CREBBP: variants seen among roughly 807,000 people sequenced by gnomAD.
CREBBP encodes the protein CREB binding lysine acetyltransferase.
In CREBBP, 19 loss-of-function variants were observed where a neutral mutation model predicts 265.0. The observed-to-expected ratio is 0.07, with a 90% CI of 0.05 to 0.11. The LOEUF (loss-of-function observed/expected upper bound fraction) is 0.11. Among genes scored for constraint, CREBBP ranks in the 10% least tolerant of loss-of-function variants. The probability of loss-of-function intolerance (pLI) is 1.00; values close to 1 mark genes in which losing one functional copy is unlikely to be tolerated. For missense variants in CREBBP, 2,525 were observed against 3,219.0 expected, an observed-to-expected ratio of 0.78 and a Z score of 5.22; for synonymous variants, 1,457 against 1,223.7, an observed-to-expected ratio of 1.19 and a Z score of -3.98.
intron 21 of CREBBP, among the ~76,000 whole-genome samples, chr16:3,748,216 T>C (rs2052390815): frequency 6.6e-6 from 1 of 151,672 alleles, no homozygotes; most frequent in African/African-American, 2.4e-5. Flanking sequence ...AGGCGGAGGC[T>C]GCAGTGAGCC....
chr16:3,769,332 T>A lies in CREBBP; in HGVS notation c.2902A>T (p.Ile968Phe), dbSNP rs2141192648. The A allele has an allele frequency of 6.2e-7, 1 of 1,614,232 alleles. No homozygotes were observed. The highest frequency in any genetic ancestry group is 8.5e-7 in the Non-Finnish European group (1 of 1,180,040). ...GAGGGGGTAGGGACTCTGTTATCAA[T>A]GCTGGCTGCTGCCTGGGAAAGCTGT... ...GTPLSQAAAS[I>F]DNRVPTPSSV... The change falls in exon 15 of 31, where the codon ATT becomes TTT. Residue 968 changes from isoleucine (I) to phenylalanine (F), a missense_variant. Physicochemically the swap from Ile to Phe is conservative, Grantham distance 21 (BLOSUM62 0). Coordinates refer to ENST00000262367, the MANE Select transcript of CREBBP (RefSeq NM_004380.3).
intron 28 of CREBBP, among the ~76,000 whole-genome samples, chr16:3,733,981 C>T (rs761861013): frequency 6.6e-6 from 1 of 152,192 alleles, no homozygotes; most frequent in Non-Finnish European, 1.5e-5. Context: ...TAAATATGTT[C>T]ATGAAATTAA....
intron 23 of CREBBP, 37 bp downstream of exon 23, chr16:3,744,857 G>A (rs2052302351): frequency 1.3e-6 from 2 of 1,483,236 alleles, no homozygotes; most frequent in African/African-American, 1.4e-5. Flanking sequence ...TTTCTAAAAT[G>A]TGCAGTCCAG....
chr16:3,814,178 TG>T (rs2053990552), intron 2 of CREBBP, among the ~76,000 whole-genome samples: 1 of 149,468 alleles, frequency 6.7e-6, no homozygotes, highest in African/African-American at 2.5e-5. Flanking sequence ...TGTGTGTGTG[TG>T]TGTGTGTGTG....
intron 1 of CREBBP, among the ~76,000 whole-genome samples, chr16:3,852,022 C>T (rs1353295245): frequency 1.2e-4 from 10 of 81,760 alleles, no homozygotes; most frequent in Admixed American, 6.2e-4. Context: ...TGGGCAACAG[C>T]GAGACTCCAT....
Position 3,729,117 on chromosome 16 carries a change from A to T in CREBBP, c.5930T>A (p.Ile1977Asn), listed in dbSNP as rs754429038. The change falls in exon 31 of 31, where the codon ATC becomes AAC. Residue 1977 changes from isoleucine to asparagine, a missense_variant. Coordinates refer to ENST00000262367, the MANE Select transcript of CREBBP (RefSeq NM_004380.3). ...QQQQHLYRVNINNSMPPGRTG... is the reference protein window; with the variant it reads ...QQQQHLYRVNNNNSMPPGRTG... Reference sequence around the variant, plus strand: ...GCGTCCTGGGGGCATGCTGTTGTTGATGTTCACCCGGTACAGGTGCTGCTG... The same window carrying T: ...GCGTCCTGGGGGCATGCTGTTGTTGTTGTTCACCCGGTACAGGTGCTGCTG... The T allele has an allele frequency of 5.3e-5, 83 of 1,557,454 alleles. 1 individual carries two copies. The highest frequency in any genetic ancestry group is 4.1e-5 in the Non-Finnish European group (47 of 1,156,524).
In CREBBP at chr16:3,753,796, C is replaced by T. The variant is rs541501914; in HGVS notation, c.3699-1990G>A. Among the ~76,000 whole-genome samples, 5 of 152,260 alleles carry T rather than the reference C, an allele frequency of 3.3e-5. No homozygotes were observed. The South Asian group carries it at 1.0e-3, about 32-fold the overall frequency. ...TATAAGTAAAACTCCTAATTGAGTGCCCCATTCATGATACAATCAAACACG... is the reference window on the plus strand; with the variant it reads ...TATAAGTAAAACTCCTAATTGAGTGTCCCATTCATGATACAATCAAACACG... On this transcript the variant is annotated intron_variant, in intron 19 of 30. Coordinates refer to ENST00000262367, the MANE Select transcript of CREBBP (RefSeq NM_004380.3).
Position 3,757,933 on chromosome 16 carries a change from T to C in CREBBP, c.3485A>G (p.Asn1162Ser), listed in dbSNP as rs148166625. Reference protein sequence around the residue: ...QYVDDVWLMFNNAWLYNRKTS... With the variant: ...QYVDDVWLMFSNAWLYNRKTS... ...CTTGCGATTATAGAGCCAGGCATTG[T>C]TGAACATGAGCCAGACGTCGTCCAC... The change falls in exon 18 of 31, where the codon AAC becomes AGC. Residue 1162 changes from asparagine to serine, a missense_variant. Physicochemically the swap from Asn to Ser is conservative, Grantham distance 46. Around this residue, in one of 19 missense-constraint regions of CREBBP, gnomAD observed 252 missense variants for 452.5 expected, o/e 0.56. Coordinates refer to ENST00000262367, the MANE Select transcript of CREBBP (RefSeq NM_004380.3). 32 of 1,613,998 alleles carry C rather than the reference T, an allele frequency of 2.0e-5. No individual in the cohort carries two copies. The highest frequency in any genetic ancestry group is 1.4e-4 in the South Asian group (13 of 91,086).
At chr16:3,755,913 C>T (rs1207281528) in intron 19 of CREBBP, among the ~76,000 whole-genome samples, 2 of 152,022 alleles carry the variant, frequency 1.3e-5, no homozygotes, top group East Asian at 3.9e-4. Context: ...GCAGGCCAGG[C>T]TTATTCCTAA....
intron 1 of CREBBP, among the ~76,000 whole-genome samples, chr16:3,875,288 G>A (rs879569840): frequency 2.0e-5 from 3 of 152,150 alleles, no homozygotes; most frequent in Admixed American, 2.0e-4. Flanking sequence ...TTTGAATGGG[G>A]CCACCGCTCT....
intron 1 of CREBBP, among the ~76,000 whole-genome samples, chr16:3,879,389 G>A (rs553252523): frequency 6.6e-6 from 1 of 152,314 alleles, no homozygotes; most frequent in East Asian, 1.9e-4. Context: ...CCTGGTCAAT[G>A]TGTCGCCAAT....
chr16:3,821,497 T>C (rs2054140881), intron 2 of CREBBP, among the ~76,000 whole-genome samples: 1 of 152,180 alleles, frequency 6.6e-6, no homozygotes, highest in Non-Finnish European at 1.5e-5. Flanking sequence ...CAGAGTATTT[T>C]ACACAAAGAA....
intron 15 of CREBBP, 139 bp from the exon 16 acceptor site, chr16:3,768,048 C>T: frequency 1.3e-6 from 1 of 743,358 alleles, no homozygotes; most frequent in South Asian, 1.5e-5. Flanking sequence ...GATTCCTCTT[C>T]TCTTCCGGAA....
At position 3,729,002 on chromosome 16, in the gene CREBBP, G is replaced by T; in HGVS notation, c.6045C>A (p.Ser2015Arg). 1.3e-6 allele frequency: 2 copies of T among 1,594,672 alleles called. No individual in the cohort carries two copies. Among genetic ancestry groups the T allele is most frequent in the Non-Finnish European group, 1.7e-6 (2 of 1,176,004 alleles). ...CCTGCTGCCACTGCCCGGGAGGCAT[G>T]CTGGGCATGACGGGCCCGCTCACCT... Reference protein sequence around the residue: ...PNQVSGPVMPSMPPGQWQQAP... With the variant: ...PNQVSGPVMPRMPPGQWQQAP... Residue 2015 changes from serine (S) to arginine (R), a missense_variant, in exon 31 of 31, where the codon AGC (serine) becomes AGA (arginine). Coordinates refer to ENST00000262367, the MANE Select transcript of CREBBP (RefSeq NM_004380.3).
Position 3,850,990 on chromosome 16 carries a change from G to C in CREBBP, c.105C>G (p.Asp35Glu), listed in dbSNP as rs372495787. The C allele has an allele frequency of 8.1e-6, 13 of 1,613,926 alleles. No homozygotes were observed. The highest frequency in any genetic ancestry group is 1.7e-5 in the Admixed American group (1 of 60,004). Residue 35 changes from aspartate (D) to glutamate (E), a missense_variant, in exon 2 of 31, where the codon GAC becomes GAG. By Grantham distance (45) the Asp-to-Glu change is conservative (BLOSUM62 2). Transcript: ENST00000262367. ...GCTCATCAGGAAGATCATTTTCCAA[G>C]TCAAACAATGATCCAAAATCTAGAA... ...NDSTDFGSLF[D>E]LENDLPDELI...
At chr16:3,805,913 TAATTAG>T (rs1437552481) in intron 3 of CREBBP, among the ~76,000 whole-genome samples, 1 of 152,202 alleles carries the variant, frequency 6.6e-6, no homozygotes, top group Non-Finnish European at 1.5e-5. Flanking sequence ...ATCTGAGTTA[TAATTAG>T]AGGGAATTAG....
At chr16:3,876,399 C>CAAAAAAAAAAAAAAA (rs71133663) in intron 1 of CREBBP, among the ~76,000 whole-genome samples, 3 of 18,164 alleles carry the variant, frequency 1.7e-4, no homozygotes, top group African/African-American at 5.5e-4. Flanking sequence ...TAAAGCTGAC[C>CAAAAAAAAAAAAAAA]AAAAAAAAAA....
chr16:3,831,949 A>G (rs1351512375), intron 2 of CREBBP, among the ~76,000 whole-genome samples: 1 of 152,078 alleles, frequency 6.6e-6, no homozygotes, highest in Non-Finnish European at 1.5e-5. Context: ...GTGAACTGAG[A>G]TGATGCCACT....
intron 2 of CREBBP, among the ~76,000 whole-genome samples, chr16:3,817,886 A>G (rs2054068025): frequency 6.6e-6 from 1 of 152,020 alleles, no homozygotes; most frequent in Non-Finnish European, 1.5e-5. Flanking sequence ...TCACTCTAAG[A>G]TCTCCTAAAG....
Sources: allele counts gnomAD v4.1 joint callset (sites outside exome capture counted in the v4.1 genomes callset), GRCh38; gene constraint gnomAD v4.1.1; regional missense constraint gnomAD v4.1.1; transcripts MANE v1.5; gene names NCBI Gene and HGNC (gene_info 2026-07-23, HGNC 2026-07-21).